The following PPP6R2 variants were observed in gnomAD, a reference collection of about 807,000 sequenced individuals.
PPP6R2 encodes the protein protein phosphatase 6 regulatory subunit 2, also known as serine/threonine-protein phosphatase 6 regulatory subunit 2.
A neutral mutation model predicts 100.2 loss-of-function variants in PPP6R2; 62 were observed. The ratio of observed to expected loss-of-function variants is 0.62; its 90% CI spans 0.50 to 0.76. The LOEUF (loss-of-function observed/expected upper bound fraction) is 0.76, where lower values mean the gene tolerates loss of function less well. Among genes scored for constraint, PPP6R2 ranks in the 30% least tolerant of loss-of-function variants. PPP6R2 has a pLI of 0.00. For synonymous variants in PPP6R2, 525 were observed against 514.7 expected (o/e 1.02, Z -0.27); for missense variants, 1,142 against 1,276.3 (o/e 0.89, Z 1.60).
chr22:50,411,702 G>A (rs1569445960), intron 4 of PPP6R2, among the ~76,000 whole-genome samples: 2 of 151,840 alleles, frequency 1.3e-5, no homozygotes, highest in African/African-American at 4.8e-5. Flanking sequence ...GCAGTGAGCC[G>A]AGATTGTGAC....
intron 10 of PPP6R2, among the ~76,000 whole-genome samples, chr22:50,428,574 A>G (rs2062602629): frequency 6.6e-6 from 1 of 152,146 alleles, no homozygotes; most frequent in African/African-American, 2.4e-5. Flanking sequence ...AAAATTAGGC[A>G]GGTGTGGTGG....
chr22:50,384,321 T>C (rs946978035), intron 2 of PPP6R2, among the ~76,000 whole-genome samples: 14 of 152,230 alleles, frequency 9.2e-5, no homozygotes, highest in African/African-American at 3.1e-4. Context: ...TCTGGGAGGC[T>C]GAGGTGGGCA....
intron 2 of PPP6R2, among the ~76,000 whole-genome samples, chr22:50,389,588 C>T (rs1241344265): frequency 6.8e-6 from 1 of 146,402 alleles, no homozygotes; most frequent in African/African-American, 2.6e-5. Flanking sequence ...GAGTCTCGCG[C>T]TGTCGCCCAG....
rs775881728 is a variant in PPP6R2, at chr22:50,423,652, G to T, written c.1125+38G>T. ...CTCAGCCAGCCCTGCATGTCTGTGA[G>T]TGTGCCGGGCATGGCCTGTGGACTT... is the stretch of plus-strand genomic sequence containing the variant. On this transcript the variant is annotated intron_variant, in intron 10 of 23. Coordinates refer to ENST00000612753, the MANE Select transcript of PPP6R2 (RefSeq NM_001242898.2). The surrounding 1 kb of genome is among the most constrained non-coding windows in gnomAD (Gnocchi z 4.8). The T allele has an allele frequency of 7.4e-6, 12 of 1,611,866 alleles. No individual in the cohort carries two copies. In the Admixed American group the frequency reaches 1.8e-4, roughly 25 times the overall value.
intron 1 of PPP6R2, among the ~76,000 whole-genome samples, chr22:50,350,331 A>G (rs2148048365): frequency 6.6e-6 from 1 of 151,128 alleles, no homozygotes. Flanking sequence ...CCCGAGTTCA[A>G]GCGATTCTCC....
At chr22:50,405,254 G>A (rs2058661133) in intron 3 of PPP6R2, among the ~76,000 whole-genome samples, 1 of 151,966 alleles carries the variant, frequency 6.6e-6, no homozygotes, top group Admixed American at 6.6e-5. Context: ...TGAGAGGCCT[G>A]GAGGGAGGCA....
chr22:50,347,148 TC>T (rs2043962097), intron 1 of PPP6R2, among the ~76,000 whole-genome samples: 1 of 151,938 alleles, frequency 6.6e-6, no homozygotes, highest in South Asian at 2.1e-4. Context: ...GCCTGTCAGA[TC>T]CTCCCCATCA....
At chr22:50,382,406 G>C (rs1366233205) in intron 2 of PPP6R2, among the ~76,000 whole-genome samples, 1 of 151,362 alleles carries the variant, frequency 6.6e-6, no homozygotes. Flanking sequence ...AGACCAGCCT[G>C]ACTAACATGG....
chr22:50,357,704 A>G (rs551386266), intron 1 of PPP6R2, among the ~76,000 whole-genome samples: 23 of 148,638 alleles, frequency 1.5e-4, no homozygotes, highest in Admixed American at 2.7e-4. Flanking sequence ...CTCCACTGCA[A>G]CCTCCACCTC....
At chr22:50,403,047 T>G (rs2058297319) in intron 3 of PPP6R2, among the ~76,000 whole-genome samples, 1 of 152,144 alleles carries the variant, frequency 6.6e-6, no homozygotes, top group South Asian at 2.1e-4. Flanking sequence ...ACCCCGTCTC[T>G]ACCAAAAATA....
At chr22:50,418,380 CCACATCTTTTT>C (rs1264302593) in intron 6 of PPP6R2, among the ~76,000 whole-genome samples, 1 of 151,916 alleles carries the variant, frequency 6.6e-6, no homozygotes, top group African/African-American at 2.4e-5. Context: ...AGAGAAAGTC[CCACATCTTTTT>C]CTTTTTTTTT....
the PPP6R2 span, among the ~76,000 whole-genome samples, chr22:50,332,043 G>A: frequency 6.6e-6 from 1 of 152,080 alleles, no homozygotes; most frequent in African/African-American, 2.4e-5. Context: ...GGGATTACAG[G>A]TGCATGCCAC....
chr22:50,367,253 A>C (rs1455128874), intron 1 of PPP6R2, among the ~76,000 whole-genome samples: 1 of 152,110 alleles, frequency 6.6e-6, no homozygotes, highest in African/African-American at 2.4e-5. Flanking sequence ...GGTAGGCATC[A>C]AAGCACTTGG....
At chr22:50,440,108 C>G (rs1008812041) in intron 21 of PPP6R2, 59 bp downstream of exon 21, 13 of 1,474,714 alleles carry the variant, frequency 8.8e-6, no homozygotes, top group African/African-American at 4.2e-5. Flanking sequence ...CTGAGGCCAG[C>G]TGGCCCCCCT....
chr22:50,391,008 AAAAAG>A (rs1603016992), intron 2 of PPP6R2, among the ~76,000 whole-genome samples: 1 of 151,234 alleles, frequency 6.6e-6, no homozygotes, highest in Admixed American at 6.6e-5. Flanking sequence ...CAAAAAAAAA[AAAAAG>A]AAAAGAAATT....
upstream of PPP6R2, among the ~76,000 whole-genome samples, chr22:50,339,368 GGCTTGC>G (rs2042342631): frequency 1.4e-5 from 2 of 144,052 alleles, no homozygotes; most frequent in Admixed American, 7.0e-5. Flanking sequence ...TGGTGTGTGT[GGCTTGC>G]GTGTGGTATG....
intron 3 of PPP6R2, among the ~76,000 whole-genome samples, chr22:50,395,153 A>G (rs2056510356): frequency 6.6e-6 from 1 of 152,188 alleles, no homozygotes; most frequent in African/African-American, 2.4e-5. Context: ...TCTGACCTAC[A>G]GTCCTGGGAC....
At chr22:50,409,439 A>AT (rs1185955018) in intron 4 of PPP6R2, among the ~76,000 whole-genome samples, 3 of 151,716 alleles carry the variant, frequency 2.0e-5, no homozygotes, top group East Asian at 1.9e-4. Context: ...GATGATGATG[A>AT]TTTTTTTGAG....
intron 6 of PPP6R2, 109 bp downstream of exon 6, chr22:50,416,266 G>C (rs1339584491): frequency 3.2e-6 from 3 of 935,894 alleles, no homozygotes; most frequent in East Asian, 4.9e-5. Flanking sequence ...CCTTTCCTAA[G>C]ATGAGGATCG....
Sources: allele counts gnomAD v4.1 joint callset (sites outside exome capture counted in the v4.1 genomes callset), GRCh38; gene constraint gnomAD v4.1.1; non-coding constraint Gnocchi (gnomAD v3.1); transcripts MANE v1.5; gene names NCBI Gene and HGNC (gene_info 2026-07-23, HGNC 2026-07-21).